Variants in KSR2 observed in about 807,000 individuals in gnomAD.
KSR2 encodes the protein kinase suppressor of ras 2.
A neutral mutation model predicts 107.8 loss-of-function variants in KSR2; 25 were observed. The observed-to-expected ratio is 0.23, with a 90% CI of 0.17 to 0.32. The LOEUF is 0.32. KSR2 is among the 10% of genes least tolerant of loss of function. The pLI is 1.00. For synonymous variants in KSR2, 480 were observed against 507.0 expected (o/e 0.95, Z 0.71); for missense variants, 887 against 1,268.9 (o/e 0.70, Z 4.57).
At chr12:117,835,870 A>G (rs995692653) in intron 3 of KSR2, among the ~76,000 whole-genome samples, 1 of 151,940 alleles carries the variant, frequency 6.6e-6, no homozygotes, top group African/African-American at 2.4e-5. Flanking sequence ...AAAACCTCCT[A>G]CTTGGGACCT....
At chr12:117,948,245 TCG>T (rs1896257749) in intron 1 of KSR2, among the ~76,000 whole-genome samples, 2 of 152,002 alleles carry the variant, frequency 1.3e-5, no homozygotes, top group African/African-American at 4.8e-5. Context: ...GGTCAGGAGT[TCG>T]AGACCAGCTG....
chr12:117,713,026 T>C (rs1008781158), intron 4 of KSR2, among the ~76,000 whole-genome samples: 1 of 149,344 alleles, frequency 6.7e-6, no homozygotes, highest in South Asian at 2.1e-4. Flanking sequence ...GAGAGAAATA[T>C]GTATATAGAT....
rs575493565 is a variant in KSR2 at position 117,640,800 on chromosome 12, C to T, written c.1171+26674G>A. 5.9e-5 allele frequency among the ~76,000 whole-genome samples: 9 copies of T among 152,272 alleles called. No individual in the cohort carries two copies. The South Asian group carries it at 1.9e-3, about 32-fold the overall frequency. ...AAGAGTATGTAACTCTTTATGGTCA[C>T]TGGGGGGCCATCTGTGAGGTTATCA... On this transcript the variant is annotated intron_variant, in intron 5 of 19. Coordinates refer to ENST00000339824, the MANE Select transcript of KSR2 (RefSeq NM_173598.6).
At chr12:117,568,122 T>C (rs1200906786) in intron 7 of KSR2, among the ~76,000 whole-genome samples, 1 of 152,134 alleles carries the variant, frequency 6.6e-6, no homozygotes, top group Non-Finnish European at 1.5e-5. Flanking sequence ...CCAGCACTTT[T>C]CTCTCCATAA....
chr12:117,761,555 G>C (rs561777132), intron 3 of KSR2, 31 bp from the exon 4 acceptor site: 26 of 1,610,912 alleles, frequency 1.6e-5, no homozygotes, highest in African/African-American at 1.6e-4. Context: ...AGAGACAATG[G>C]GTAAGCCATG....
chr12:117,625,046 G>A (rs1003014590), intron 5 of KSR2, among the ~76,000 whole-genome samples: 5 of 152,224 alleles, frequency 3.3e-5, no homozygotes, highest in East Asian at 1.9e-4. Context: ...ATTTTTGCAC[G>A]TTGATTTTGT....
rs541804576 is a variant in KSR2, at chr12:117,870,528, G to A, written c.181-10097C>T. ...GACAGGAGAATCGCTTGGATTTGGA[G>A]GCAGAGGCTGCAGTAAGCCGAGATC... On this transcript the variant is annotated intron_variant, in intron 1 of 19. Transcript: ENST00000339824. Among the ~76,000 whole-genome samples, 17 of 152,190 alleles carry A rather than the reference G, an allele frequency of 1.1e-4. No individual in the cohort carries two copies. The South Asian group carries it at 3.5e-3, about 32-fold the overall frequency.
intron 5 of KSR2, among the ~76,000 whole-genome samples, chr12:117,656,941 G>GAGATATAT (rs372591941): frequency 0.02 from 1,928 of 97,876 alleles, 86 homozygotes; most frequent in East Asian, 0.13. Context: ...TATATAATAG[G>GAGATATAT]ATATATATAT....
chr12:117,791,355 C>G (rs1488633865), intron 3 of KSR2, among the ~76,000 whole-genome samples: 2 of 152,212 alleles, frequency 1.3e-5, no homozygotes, highest in Non-Finnish European at 2.9e-5. Flanking sequence ...TTCTTTTTCA[C>G]AGCCCTGAGT....
chr12:117,759,540 AATTAC>A (rs1261382874), intron 4 of KSR2, among the ~76,000 whole-genome samples: 1 of 152,174 alleles, frequency 6.6e-6, no homozygotes, highest in African/African-American at 2.4e-5. Context: ...CAATGGTACT[AATTAC>A]ATTTGCATTG....
In KSR2 at chr12:117,761,003, G is replaced by A. The variant is rs371711681; in HGVS notation, c.986+8C>T. On this transcript the variant is annotated splice_region_variant and intron_variant, in intron 4 of 19. Transcript: ENST00000339824. The stretch of plus-strand genomic sequence containing the variant: ...GACCGCCCCAGGGCACCCACCGATC[G>A]CACTCACTTGGGCGTGTGGGCCTCG... 1.2e-6 allele frequency: 2 copies of A among 1,613,084 alleles called. No individual in the cohort carries two copies. Among genetic ancestry groups the A allele is most frequent in the Non-Finnish European group, 1.7e-6 (2 of 1,179,576 alleles).
intron 16 of KSR2, 98 bp downstream of exon 16, chr12:117,484,318 A>T: frequency 7.2e-7 from 1 of 1,389,010 alleles, no homozygotes; most frequent in South Asian, 1.4e-5. Flanking sequence ...CCTCAGGACC[A>T]ACCCTGAGTC....
chr12:117,786,469 C>G (rs1214505643), intron 3 of KSR2, among the ~76,000 whole-genome samples: 1 of 151,972 alleles, frequency 6.6e-6, no homozygotes. Flanking sequence ...TTTTTCTCAT[C>G]CTCTCCCTCC....
At chr12:117,883,847 G>A (rs1394638239) in intron 1 of KSR2, among the ~76,000 whole-genome samples, 1 of 136,964 alleles carries the variant, frequency 7.3e-6, no homozygotes, top group Non-Finnish European at 1.5e-5. Flanking sequence ...CTGCACTCCA[G>A]CCTGGGCGAC....
chr12:117,951,702 C>A (rs1379302635), intron 1 of KSR2, among the ~76,000 whole-genome samples: 1 of 152,146 alleles, frequency 6.6e-6, no homozygotes, highest in Non-Finnish European at 1.5e-5. Flanking sequence ...CATCTCTTGT[C>A]TCTACCTGCT....
chr12:117,760,785 C>T (rs146633119), intron 4 of KSR2, among the ~76,000 whole-genome samples: 1 of 152,290 alleles, frequency 6.6e-6, no homozygotes, highest in East Asian at 1.9e-4. Context: ...AGATTTAGCC[C>T]CTAGGCCATA....
intron 14 of KSR2, among the ~76,000 whole-genome samples, chr12:117,510,617 C>T (rs1376925635): frequency 6.6e-6 from 1 of 152,238 alleles, no homozygotes; most frequent in Non-Finnish European, 1.5e-5. Context: ...TGGCTCATGC[C>T]TGTAATCCCA....
intron 3 of KSR2, among the ~76,000 whole-genome samples, chr12:117,770,810 A>G (rs1371613033): frequency 6.7e-6 from 1 of 148,186 alleles, no homozygotes; most frequent in Non-Finnish European, 1.5e-5. Flanking sequence ...TACCAAAAAT[A>G]CAAAAAAAAA....
intron 3 of KSR2, among the ~76,000 whole-genome samples, chr12:117,785,736 A>G (rs1231280426): frequency 6.6e-6 from 1 of 152,232 alleles, no homozygotes; most frequent in African/African-American, 2.4e-5. Context: ...AGTTAGGTGA[A>G]TAGAAATTAT....
Sources: gnomAD v4.1 joint callset for allele counts (sites outside exome capture counted in the v4.1 genomes callset) on GRCh38, gnomAD v4.1.1 for gene constraint, MANE v1.5 for transcripts, NCBI Gene and HGNC (gene_info 2026-07-23, HGNC 2026-07-21) for gene names.